NMNAT3: variants seen among roughly 807,000 people sequenced by gnomAD.
The protein encoded by NMNAT3 is nicotinamide nucleotide adenylyltransferase 3, also known as nicotinamide/nicotinic acid mononucleotide adenylyltransferase 3.
Under a neutral mutation model 24.8 loss-of-function variants are expected in NMNAT3, and 21 were observed. That is an observed-to-expected ratio of 0.85 (90% CI 0.60 to 1.22). NMNAT3 has a LOEUF of 1.22. Ranked by LOEUF, NMNAT3 falls within the 50% of genes most tolerant of loss-of-function variation. The probability of loss-of-function intolerance (pLI) is 0.00; values close to 1 mark genes in which losing one functional copy is unlikely to be tolerated. For missense variants in NMNAT3, 387 were observed against 436.6 expected, an observed-to-expected ratio of 0.89 and a Z score of 1.01; for synonymous variants, 136 against 155.2, an observed-to-expected ratio of 0.88 and a Z score of 0.92.
chr3:139,650,709 G>C (rs925855426), intron 1 of NMNAT3, among the ~76,000 whole-genome samples: 2 of 152,172 alleles, frequency 1.3e-5, no homozygotes, highest in Non-Finnish European at 2.9e-5. Flanking sequence ...GGCCTAATGA[G>C]ATTGACACTC....
intron 1 of NMNAT3, among the ~76,000 whole-genome samples, chr3:139,644,285 G>A (rs2108365456): frequency 6.6e-6 from 1 of 152,208 alleles, no homozygotes; most frequent in East Asian, 1.9e-4. Flanking sequence ...ATTCACAAAA[G>A]AATGCAAATA....
intron 3 of NMNAT3, among the ~76,000 whole-genome samples, chr3:139,587,180 T>C (rs1352574597): frequency 6.6e-6 from 1 of 152,216 alleles, no homozygotes; most frequent in Non-Finnish European, 1.5e-5. Context: ...CTCCTTCAGC[T>C]TTGGCAAGGT....
intron 4 of NMNAT3, among the ~76,000 whole-genome samples, chr3:139,579,829 A>C (rs188740695): frequency 1.1e-4 from 17 of 152,290 alleles, no homozygotes; most frequent in Middle Eastern, 3.4e-3. Context: ...GCCTGCCATA[A>C]ATGAACATTG....
chr3:139,588,609 G>A (rs1016255606), intron 3 of NMNAT3, among the ~76,000 whole-genome samples: 4 of 152,250 alleles, frequency 2.6e-5, no homozygotes, highest in African/African-American at 7.2e-5. Context: ...GGAATCGGAG[G>A]AGCCAAGAAC....
chr3:139,572,612 A>C (rs919079269), intron 6 of NMNAT3, among the ~76,000 whole-genome samples: 1 of 152,184 alleles, frequency 6.6e-6, no homozygotes, highest in Non-Finnish European at 1.5e-5. Flanking sequence ...GGACTGTTGC[A>C]TGGCACCTTT....
At chr3:139,568,246 G>T (rs1937544067) in intron 6 of NMNAT3, 1 of 151,844 alleles carries the variant, frequency 6.6e-6, no homozygotes, top group African/African-American at 2.4e-5. Flanking sequence ...TTCTTTATTA[G>T]TCTTGCTAGT....
At chr3:139,592,090 A>G (rs1471443980) in intron 3 of NMNAT3, among the ~76,000 whole-genome samples, 1 of 152,216 alleles carries the variant, frequency 6.6e-6, no homozygotes, top group Non-Finnish European at 1.5e-5. Context: ...AGAAGAATGT[A>G]TAACTAGACT....
At chr3:139,672,782 T>C (rs570303591) in intron 1 of NMNAT3, 5 of 152,356 alleles carry the variant, frequency 3.3e-5, no homozygotes, top group African/African-American at 9.6e-5. Context: ...TATTCAAGTA[T>C]GGACAGAGAA....
intron 6 of NMNAT3, chr3:139,569,508 T>C (rs1937748992): frequency 1.3e-5 from 2 of 152,222 alleles, no homozygotes; most frequent in African/African-American, 4.8e-5. Flanking sequence ...GTTTAGTGCT[T>C]CCTTCAGGAG....
At chr3:139,610,844 C>T (rs115722648) in intron 3 of NMNAT3, among the ~76,000 whole-genome samples, 1,819 of 152,302 alleles carry the variant, frequency 0.012, 37 homozygotes, top group African/African-American at 0.041. Context: ...AAATTAAAAT[C>T]ACCAAGGTAG....
At chr3:139,609,596 A>G (rs573780691) in intron 3 of NMNAT3, 3 of 150,916 alleles carry the variant, frequency 2.0e-5, no homozygotes, top group Non-Finnish European at 4.4e-5. Context: ...TTAAATTTTT[A>G]AAGTTCTTTA....
chr3:139,639,830 G>A (rs547403372), intron 1 of NMNAT3, among the ~76,000 whole-genome samples: 1 of 152,276 alleles, frequency 6.6e-6, no homozygotes, highest in East Asian at 1.9e-4. Context: ...AGACAGCAGA[G>A]TCAATTCTGG....
Position 139,656,789 on chromosome 3 carries a change from C to T in NMNAT3, c.-140-18727G>A, listed in dbSNP as rs185691632. 1.6e-3 allele frequency among the ~76,000 whole-genome samples: 251 copies of T among 152,170 alleles called. 1 individual carries two copies. The highest frequency in any genetic ancestry group is 3.4e-3 in the Middle Eastern group (1 of 294). On this transcript the variant is annotated intron_variant, in intron 1 of 6. Coordinates refer to ENST00000643695, the MANE Select transcript of NMNAT3 (RefSeq NM_001320510.2). ...TCTGGGTGACAGAGTGAGACCCTGT[C>T]TCTAAAAACAAACAAAGACCAAAAT...
intron 1 of NMNAT3, among the ~76,000 whole-genome samples, chr3:139,656,652 T>G (rs1337809905): frequency 6.6e-6 from 1 of 152,038 alleles, no homozygotes; most frequent in African/African-American, 2.4e-5. Flanking sequence ...AATAGCTGGA[T>G]GTAGTGGTGC....
intron 3 of NMNAT3, among the ~76,000 whole-genome samples, chr3:139,596,945 T>G (rs1247601643): frequency 7.7e-6 from 1 of 129,786 alleles, no homozygotes; most frequent in Non-Finnish European, 1.6e-5. Context: ...TATATATATA[T>G]ATATATATAT....
intron 1 of NMNAT3, among the ~76,000 whole-genome samples, chr3:139,647,589 T>C (rs1319203646): frequency 6.6e-6 from 1 of 150,918 alleles, no homozygotes. Flanking sequence ...GTAAGGGGAG[T>C]TTTGACACAC....
intron 3 of NMNAT3, among the ~76,000 whole-genome samples, chr3:139,587,398 G>C (rs935502633): frequency 1.3e-5 from 2 of 152,136 alleles, no homozygotes; most frequent in African/African-American, 4.8e-5. Flanking sequence ...TGAGACAAGA[G>C]AAGCTGAGGA....
intron 1 of NMNAT3, among the ~76,000 whole-genome samples, chr3:139,650,106 T>G (rs1441648202): frequency 6.6e-6 from 1 of 152,146 alleles, no homozygotes; most frequent in South Asian, 2.1e-4. Context: ...AGGTGACAGG[T>G]CTCTACAAAT....
rs550603504 is a variant in NMNAT3, at chr3:139,634,650, T to G, written c.-41+3313A>C. The stretch of plus-strand genomic sequence containing the variant: ...TAAGGATCCTCTGCCAGCCACCCCT[T>G]GGAGGAAACAAACATGTCAATTAAG... On this transcript the variant is annotated intron_variant, in intron 2 of 6. Transcript: ENST00000643695. 6.6e-6 allele frequency: 1 copy of G among 152,260 alleles called. No individual in the cohort carries two copies. The highest frequency in any genetic ancestry group is 2.1e-4 in the South Asian group (1 of 4,822). The allele number at this position is 152,260 out of a possible 1,614,324, so 9.4% of individuals were successfully genotyped here.
Sources: allele counts gnomAD v4.1 joint callset (sites outside exome capture counted in the v4.1 genomes callset), GRCh38; gene constraint gnomAD v4.1.1; transcripts MANE v1.5; gene names NCBI Gene and HGNC (gene_info 2026-07-23, HGNC 2026-07-21).